ARHGAP6: variants seen among roughly 807,000 people sequenced by gnomAD.
The protein encoded by ARHGAP6 is rho GTPase-activating protein 6.
ARHGAP6 carries 16 observed loss-of-function variants against 55.7 expected under a neutral mutation model. The ratio of observed to expected loss-of-function variants is 0.29; its 90% CI spans 0.19 to 0.44. The LOEUF (loss-of-function observed/expected upper bound fraction) is 0.44. Ranked by LOEUF, ARHGAP6 falls within the 20% of genes least tolerant of loss-of-function variation. ARHGAP6 has a pLI of 1.00. For missense variants in ARHGAP6, 698 were observed against 808.9 expected (o/e 0.86, Z 1.66); for synonymous variants, 382 against 360.9 (o/e 1.06, Z -0.66).
intron 1 of ARHGAP6, among the ~76,000 whole-genome samples, chrX:11,583,739 A>G (rs7350366): frequency 0.38 from 42,310 of 110,295 alleles, 6,384 homozygotes; most frequent in African/African-American, 0.55. Flanking sequence ...AACTATTAAC[A>G]GAATTCTCTA....
At chrX:11,517,116 G>A (rs2050849810) in intron 1 of ARHGAP6, among the ~76,000 whole-genome samples, 2 of 112,183 alleles carry the variant, frequency 1.8e-5, no homozygotes, top group Admixed American at 1.9e-4. Flanking sequence ...TGTCTAGGTA[G>A]ACTGAGGCTG....
chrX:11,586,669 C>A (rs1338769552), intron 1 of ARHGAP6, among the ~76,000 whole-genome samples: 1 of 111,484 alleles, frequency 9.0e-6, no homozygotes, highest in African/African-American at 3.3e-5. Context: ...TTTTTCAGCT[C>A]CATATGAATG....
At chrX:11,183,077 C>T (rs1359150596) in intron 5 of ARHGAP6, among the ~76,000 whole-genome samples, 1 of 111,212 alleles carries the variant, frequency 9.0e-6, no homozygotes, top group African/African-American at 3.3e-5. Context: ...AGTAACAATT[C>T]CTTATAAATG....
intron 1 of ARHGAP6, among the ~76,000 whole-genome samples, chrX:11,267,316 T>C (rs1187981543): frequency 8.9e-6 from 1 of 112,157 alleles, no homozygotes; most frequent in Non-Finnish European, 1.9e-5. Flanking sequence ...TGTCAGGCAT[T>C]GTTTTAGGCA....
chrX:11,549,348 C>T (rs1208987136), intron 1 of ARHGAP6, among the ~76,000 whole-genome samples: 2 of 111,969 alleles, frequency 1.8e-5, no homozygotes, highest in Non-Finnish European at 3.8e-5. Flanking sequence ...GAAGAGACAA[C>T]CTGTAGAATG....
intron 1 of ARHGAP6, chrX:11,335,802 G>A (rs1437062364): frequency 7.5e-6 from 2 of 265,826 alleles, no homozygotes; most frequent in African/African-American, 2.9e-5. Context: ...ATTTCCACAT[G>A]GGCCCACAAG....
intron 1 of ARHGAP6, among the ~76,000 whole-genome samples, chrX:11,552,007 A>C (rs2051271107): frequency 1.8e-5 from 2 of 112,003 alleles, no homozygotes; most frequent in African/African-American, 6.5e-5. Context: ...CTGTACGAGA[A>C]GACAGCATAG....
At chrX:11,618,425 T>A (rs2052191127) in intron 1 of ARHGAP6, among the ~76,000 whole-genome samples, 1 of 112,259 alleles carries the variant, frequency 8.9e-6, no homozygotes, top group African/African-American at 3.2e-5. Context: ...TACCAAAATA[T>A]ATGACTTCAT....
At chrX:11,402,751 T>C (rs1177791233) in intron 1 of ARHGAP6, among the ~76,000 whole-genome samples, 1 of 112,081 alleles carries the variant, frequency 8.9e-6, no homozygotes, top group Non-Finnish European at 1.9e-5. Context: ...AGAGCTCTGT[T>C]ACATAAAGCA....
rs1366818869 is a variant in ARHGAP6, at chrX:11,507,696, AG to A, written c.588+156544del. On this transcript the variant is annotated intron_variant, in intron 1 of 12. Coordinates refer to ENST00000337414, the MANE Select transcript of ARHGAP6 (RefSeq NM_013427.3). Reference sequence around the variant, plus strand: ...TCCATCTAGGGCTGTGGATTTCCACAGAGGCAATTGTGCCCCCAGGCAGACA... The same window carrying A: ...TCCATCTAGGGCTGTGGATTTCCACAAGGCAATTGTGCCCCCAGGCAGACA... 2.7e-5 allele frequency among the ~76,000 whole-genome samples: 3 copies of A among 111,681 alleles called. No homozygotes were observed. In the East Asian group the frequency reaches 8.5e-4, roughly 32 times the overall value.
chrX:11,241,397 G>A (rs1418233124), intron 2 of ARHGAP6, among the ~76,000 whole-genome samples: 1 of 111,049 alleles, frequency 9.0e-6, no homozygotes, highest in African/African-American at 3.3e-5. Flanking sequence ...GGAGTGGATT[G>A]CTAGTTTCTT....
At chrX:11,551,769 A>C (rs773708894) in intron 1 of ARHGAP6, among the ~76,000 whole-genome samples, 15 of 112,009 alleles carry the variant, frequency 1.3e-4, no homozygotes, top group Non-Finnish European at 2.6e-4. Context: ...GGTAGAGATT[A>C]GGGTGATGCA....
intron 2 of ARHGAP6, among the ~76,000 whole-genome samples, chrX:11,202,561 AC>A (rs2046644280): frequency 9.0e-6 from 1 of 110,861 alleles, no homozygotes; most frequent in Admixed American, 9.6e-5. Context: ...TAATCCCAGC[AC>A]TTTGGGAGGC....
chrX:11,465,112 C>T (rs1357774143), intron 1 of ARHGAP6, among the ~76,000 whole-genome samples: 1 of 111,825 alleles, frequency 8.9e-6, no homozygotes, highest in East Asian at 2.8e-4. Context: ...GATACTCTCA[C>T]TGTCCCTTCC....
chrX:11,352,445 C>T (rs1387713397), intron 1 of ARHGAP6, among the ~76,000 whole-genome samples: 3 of 111,903 alleles, frequency 2.7e-5, no homozygotes, highest in South Asian at 7.5e-4. Flanking sequence ...TAGGGCCTCC[C>T]TTATCTACTT....
chrX:11,490,171 T>C (rs1260345109), intron 1 of ARHGAP6, among the ~76,000 whole-genome samples: 2 of 111,373 alleles, frequency 1.8e-5, no homozygotes, highest in East Asian at 2.8e-4. Flanking sequence ...GCAAAAGTGA[T>C]ACGATTCCAT....
intron 1 of ARHGAP6, among the ~76,000 whole-genome samples, chrX:11,431,434 C>A (rs1419595575): frequency 1.8e-5 from 2 of 112,823 alleles, no homozygotes; most frequent in African/African-American, 3.2e-5. Context: ...AATGCCAATG[C>A]AAGGGTGATT....
chrX:11,384,532 C>T (rs1345068980), intron 1 of ARHGAP6, among the ~76,000 whole-genome samples: 2 of 112,284 alleles, frequency 1.8e-5, no homozygotes, highest in Non-Finnish European at 3.8e-5. Flanking sequence ...ACTGGAAATA[C>T]TTCACATTGA....
chrX:11,542,711 G>T (rs945281685), intron 1 of ARHGAP6, among the ~76,000 whole-genome samples: 1 of 111,241 alleles, frequency 9.0e-6, no homozygotes, highest in Admixed American at 9.5e-5. Context: ...ATGGAAGGGC[G>T]TAAGTGCTGA....
Sources: gnomAD v4.1 joint callset for allele counts (sites outside exome capture counted in the v4.1 genomes callset) on GRCh38, gnomAD v4.1.1 for gene constraint, MANE v1.5 for transcripts, NCBI Gene and HGNC (gene_info 2026-07-23, HGNC 2026-07-21) for gene names.